Variants in MTR observed in about 807,000 individuals in gnomAD.
MTR encodes the protein methionine synthase.
MTR carries 84 observed loss-of-function variants against 154.8 expected under a neutral mutation model. The observed-to-expected ratio is 0.54, with a 90% CI of 0.45 to 0.65. The LOEUF (loss-of-function observed/expected upper bound fraction) is 0.65, where lower values mean the gene tolerates loss of function less well. MTR is among the 30% of genes least tolerant of loss of function. The pLI is 0.00. For synonymous variants in MTR, 554 were observed against 553.9 expected (o/e 1.00, Z 0.00); for missense variants, 1,275 against 1,570.2 (o/e 0.81, Z 3.18).
intron 11 of MTR, 38 bp downstream of exon 11, chr1:236,826,934 T>C (rs753981912): frequency 6.5e-7 from 1 of 1,549,094 alleles, no homozygotes; most frequent in African/African-American, 1.4e-5. Context: ...TAAAACCAAG[T>C]GGATAATCAG....
intron 10 of MTR, among the ~76,000 whole-genome samples, chr1:236,825,706 C>T (rs752988511): frequency 1.8e-4 from 28 of 152,144 alleles, no homozygotes; most frequent in Non-Finnish European, 2.6e-4. Flanking sequence ...GCTTTCTGCC[C>T]TCACACCCCT....
chr1:236,859,950 G>A, intron 19 of MTR, 28 bp downstream of exon 19: 1 of 1,595,116 alleles, frequency 6.3e-7, no homozygotes, highest in Non-Finnish European at 8.6e-7. Context: ...GAACTGGAGG[G>A]CTGGAGGCTC....
At position 236,832,011 on chromosome 1, in the gene MTR, T is replaced by A. The variant is rs774244732; in HGVS notation, c.1121T>A (p.Ile374Asn). 1 of 1,614,056 alleles carries A rather than the reference T, an allele frequency of 6.2e-7. No individual in the cohort carries two copies. Among genetic ancestry groups the A allele is most frequent in the Admixed American group, 1.7e-5 (1 of 60,000 alleles). ...GGACCGTACACCAACTTTGTTAACATTGGAGAGCGCTGTAATGTTGCAGGA... is the reference window on the plus strand; with the variant it reads ...GGACCGTACACCAACTTTGTTAACAATGGAGAGCGCTGTAATGTTGCAGGA... ...RIGPYTNFVNIGERCNVAGSR... is the reference protein window; with the variant it reads ...RIGPYTNFVNNGERCNVAGSR... The change falls in exon 13 of 33, where the codon ATT (isoleucine) becomes AAT (asparagine). Residue 374 changes from isoleucine (I) to asparagine (N), a missense_variant. By Grantham distance (149) the Ile-to-Asn change is moderately radical (BLOSUM62 -3). Transcript: ENST00000366577.
intron 31 of MTR, 126 bp from the exon 32 acceptor site, chr1:236,896,880 C>T: frequency 1.3e-6 from 1 of 783,510 alleles, no homozygotes; most frequent in Non-Finnish European, 2.3e-6. Flanking sequence ...TGTCATGTGT[C>T]TACCTAGAAG....
intron 19 of MTR, 56 bp downstream of exon 19, chr1:236,859,978 C>T (rs1664426907): frequency 6.9e-7 from 1 of 1,455,198 alleles, no homozygotes; most frequent in African/African-American, 1.4e-5. Context: ...CTGACTGATC[C>T]TGTTGTGGGC....
upstream of MTR, chr1:236,795,289 C>G (rs984368540): frequency 1.7e-6 from 2 of 1,207,988 alleles, no homozygotes; most frequent in South Asian, 1.5e-5. Flanking sequence ...ATAGATTGAG[C>G]GCAGAACTAA....
intron 18 of MTR, among the ~76,000 whole-genome samples, chr1:236,855,108 C>T (rs764141191): frequency 3.3e-5 from 5 of 152,032 alleles, no homozygotes; most frequent in South Asian, 2.1e-4. Context: ...CCTTAGGATG[C>T]GCTGAGTGAA....
chr1:236,890,727 G>T (rs569151233), intron 28 of MTR, among the ~76,000 whole-genome samples: 2 of 152,300 alleles, frequency 1.3e-5, no homozygotes, highest in African/African-American at 4.8e-5. Flanking sequence ...AAAGCACCAC[G>T]GAATACGAGG....
intron 15 of MTR, 27 bp from the exon 16 acceptor site, chr1:236,850,317 A>G (rs1180480540): frequency 1.3e-6 from 2 of 1,577,634 alleles, no homozygotes; most frequent in African/African-American, 2.7e-5. Flanking sequence ...TTCTATTTCA[A>G]ACTACATCTT....
intron 18 of MTR, among the ~76,000 whole-genome samples, chr1:236,856,856 T>C (rs1664239216): frequency 6.6e-6 from 1 of 152,212 alleles, no homozygotes; most frequent in South Asian, 2.1e-4. Context: ...GCAAAGGACA[T>C]GAACTCATCC....
At chr1:236,838,381 C>G (rs1663029179) in intron 14 of MTR, 33 bp from the exon 15 acceptor site, 1 of 1,609,708 alleles carries the variant, frequency 6.2e-7, no homozygotes. Flanking sequence ...GACCTGTGGC[C>G]TCTGTGTGAT....
At chr1:236,896,865 T>G in intron 31 of MTR, 141 bp from the exon 32 acceptor site, 1 of 765,268 alleles carries the variant, frequency 1.3e-6, no homozygotes, top group Non-Finnish European at 2.4e-6. Flanking sequence ...ACAGCTTTCA[T>G]GCTGTGTCAT....
chr1:236,893,485 T>A (rs1055270832), intron 29 of MTR, among the ~76,000 whole-genome samples: 2 of 152,206 alleles, frequency 1.3e-5, no homozygotes, highest in Non-Finnish European at 2.9e-5. Context: ...AAGCTTCCTA[T>A]GCCCCTGATT....
At chr1:236,799,537 T>A (rs531253910) in intron 1 of MTR, among the ~76,000 whole-genome samples, 2 of 152,324 alleles carry the variant, frequency 1.3e-5, no homozygotes, top group South Asian at 4.1e-4. Context: ...CACAATTCTC[T>A]TGTTTCCATA....
intron 32 of MTR, 124 bp from the exon 33 acceptor site, chr1:236,897,432 ACT>A (rs1428412570): frequency 2.1e-5 from 20 of 940,804 alleles, no homozygotes; most frequent in South Asian, 1.5e-4. Flanking sequence ...TCTCCATTTA[ACT>A]CTGTAGATTG....
chr1:236,895,268 C>A, intron 30 of MTR, 90 bp from the exon 31 acceptor site: 4 of 1,395,846 alleles, frequency 2.9e-6, no homozygotes, highest in Non-Finnish European at 4.0e-6. Flanking sequence ...GGGAGGGTGT[C>A]CTCATGGTTC....
chr1:236,881,536 T>TA (rs1293994846), intron 25 of MTR, among the ~76,000 whole-genome samples: 2 of 152,004 alleles, frequency 1.3e-5, no homozygotes, highest in African/African-American at 4.8e-5. Context: ...AGACGTCACT[T>TA]ACCGTCCCAT....
intron 15 of MTR, among the ~76,000 whole-genome samples, chr1:236,841,671 G>A (rs921770474): frequency 2.0e-5 from 3 of 148,258 alleles, no homozygotes; most frequent in African/African-American, 7.6e-5. Flanking sequence ...TAGTCATTTG[G>A]TAGAGTGCAT....
chr1:236,878,823 T>C (rs1204629853), intron 24 of MTR, among the ~76,000 whole-genome samples: 2 of 151,954 alleles, frequency 1.3e-5, no homozygotes, highest in Non-Finnish European at 2.9e-5. Context: ...GGCCATGGAG[T>C]TCATTAATCT....
Sources: gnomAD v4.1 joint callset for allele counts (sites outside exome capture counted in the v4.1 genomes callset) on GRCh38, gnomAD v4.1.1 for gene constraint, MANE v1.5 for transcripts, NCBI Gene and HGNC (gene_info 2026-07-23, HGNC 2026-07-21) for gene names.